The following DOCK9 variants were observed in gnomAD, a reference collection of about 807,000 sequenced individuals.
DOCK9 encodes dedicator of cytokinesis 9.
DOCK9 carries 89 observed loss-of-function variants against 263.3 expected under a neutral mutation model. That is an observed-to-expected ratio of 0.34 (90% CI 0.28 to 0.40). DOCK9 has a LOEUF of 0.40. Among genes scored for constraint, DOCK9 ranks in the 10% least tolerant of loss-of-function variants. The pLI, the probability that DOCK9 is intolerant of heterozygous loss-of-function variation, is 1.00. For synonymous variants in DOCK9, 976 were observed against 973.1 expected, an observed-to-expected ratio of 1.00 and a Z score of -0.06; for missense variants, 2,140 against 2,603.4, an observed-to-expected ratio of 0.82 and a Z score of 3.87.
At chr13:98,816,028 C>T (rs573484780) in intron 45 of DOCK9, among the ~76,000 whole-genome samples, 2 of 152,250 alleles carry the variant, frequency 1.3e-5, no homozygotes, top group South Asian at 4.1e-4. Context: ...TCCTCACCAC[C>T]ACATCATTGA....
At chr13:98,897,992 C>A (rs1156309155) in intron 14 of DOCK9, among the ~76,000 whole-genome samples, 187 bp downstream of exon 14, 1 of 152,210 alleles carries the variant, frequency 6.6e-6, no homozygotes, top group Non-Finnish European at 1.5e-5. Flanking sequence ...CCAGGTAGCA[C>A]TTCTCCAGAC....
intron 1 of DOCK9, among the ~76,000 whole-genome samples, chr13:99,048,191 CTGTTTTGTTT>C (rs368509325): frequency 5.3e-5 from 8 of 152,062 alleles, no homozygotes; most frequent in African/African-American, 1.5e-4. Flanking sequence ...ACAGTTTTAT[CTGTTTTGTTT>C]TGTTTTGTTT....
intron 1 of DOCK9, among the ~76,000 whole-genome samples, chr13:98,963,141 C>T (rs1453220984): frequency 1.3e-5 from 2 of 152,112 alleles, no homozygotes; most frequent in Non-Finnish European, 2.9e-5. Context: ...GGCAGCATGG[C>T]GCGCCTCTAG....
At chr13:98,954,523 G>A (rs1314682274) in intron 2 of DOCK9, among the ~76,000 whole-genome samples, 2 of 152,216 alleles carry the variant, frequency 1.3e-5, no homozygotes, top group African/African-American at 4.8e-5. Flanking sequence ...GCCATAGCCT[G>A]AAAGAGCGGC....
At chr13:99,016,371 T>G (rs1387856085) in intron 1 of DOCK9, among the ~76,000 whole-genome samples, 1 of 152,160 alleles carries the variant, frequency 6.6e-6, no homozygotes, top group Non-Finnish European at 1.5e-5. Flanking sequence ...CCACCTCTAC[T>G]CTTTGCTAGA....
chr13:99,013,112 T>C (rs952131946), intron 1 of DOCK9, among the ~76,000 whole-genome samples: 3 of 152,114 alleles, frequency 2.0e-5, no homozygotes, highest in African/African-American at 7.2e-5. Flanking sequence ...TCTGATTCTT[T>C]TTTTTTTAAG....
intron 33 of DOCK9, chr13:98,859,461 C>A (rs2093793067): frequency 6.6e-6 from 1 of 152,040 alleles, no homozygotes; most frequent in Admixed American, 6.6e-5. Flanking sequence ...TTAAATTCTA[C>A]CCAGTTTCAT....
chr13:98,819,681 G>A (rs990737961), intron 45 of DOCK9, among the ~76,000 whole-genome samples: 14 of 152,232 alleles, frequency 9.2e-5, no homozygotes, highest in African/African-American at 2.7e-4. Context: ...CACTGAGGAT[G>A]TGCCATGTGA....
chr13:98,909,210 G>C (rs1200133902), intron 9 of DOCK9, among the ~76,000 whole-genome samples: 1 of 152,180 alleles, frequency 6.6e-6, no homozygotes, highest in Non-Finnish European at 1.5e-5. Context: ...GGAAAAGAAT[G>C]ATTCATCTAA....
At chr13:98,876,420 G>A (rs1399250099) in intron 27 of DOCK9, among the ~76,000 whole-genome samples, 1 of 152,212 alleles carries the variant, frequency 6.6e-6, no homozygotes, top group Non-Finnish European at 1.5e-5. Flanking sequence ...GAACCCAGGA[G>A]GTGGAGGTCG....
At position 99,014,232 on chromosome 13, in the gene DOCK9, G is replaced by A. The variant is rs1056063426; in HGVS notation, c.130-58681C>T. The stretch of plus-strand genomic sequence containing the variant: ...GCCATTACTGGCCCAAGCAGGTCCC[G>A]GGCTGTCTGGTTATGGATACACTAA... On this transcript the variant is annotated intron_variant, in intron 1 of 32. Transcript: ENST00000427887. 7.9e-5 allele frequency among the ~76,000 whole-genome samples: 12 copies of A among 152,242 alleles called. 1 individual carries two copies. The highest frequency in any genetic ancestry group is 5.9e-4 in the Admixed American group (9 of 15,288).
intron 1 of DOCK9, among the ~76,000 whole-genome samples, chr13:99,021,912 T>C (rs1340456634): frequency 1.3e-5 from 2 of 152,104 alleles, no homozygotes; most frequent in African/African-American, 4.8e-5. Flanking sequence ...CAAACCACCA[T>C]GGCACACATA....
chr13:98,889,659 C>T (rs2046319940), intron 15 of DOCK9, among the ~76,000 whole-genome samples: 1 of 152,180 alleles, frequency 6.6e-6, no homozygotes, highest in African/African-American at 2.4e-5. Flanking sequence ...TGAAATTCAC[C>T]TCCCTGAAAC....
chr13:98,835,508 CATAT>C lies in DOCK9; in HGVS notation c.4314+1982_4314+1985del, dbSNP rs60025469. On this transcript the variant is annotated intron_variant, in intron 39 of 52. Coordinates refer to ENST00000682017, the MANE Select transcript of DOCK9 (RefSeq NM_001366683.2). ...ACAGGAAACATTTTTTGCATGCAGG[CATAT>C]AAACCTGCACAGAGATCACCTTAGC... Among the ~76,000 whole-genome samples the C allele has an allele frequency of 8.3e-3, 1,260 of 152,174 alleles. 18 individuals carry two copies. The highest frequency in any genetic ancestry group is 0.029 in the African/African-American group (1,218 of 41,516).
intron 39 of DOCK9, among the ~76,000 whole-genome samples, chr13:98,835,367 G>C (rs940708343): frequency 6.6e-6 from 1 of 152,192 alleles, no homozygotes; most frequent in East Asian, 1.9e-4. Context: ...TGGACCTCTC[G>C]TATCTGTGAG....
At chr13:99,053,815 G>C (rs763806570) in intron 1 of DOCK9, among the ~76,000 whole-genome samples, 5 of 152,088 alleles carry the variant, frequency 3.3e-5, no homozygotes, top group Non-Finnish European at 5.9e-5. Context: ...GTTATTACAA[G>C]AGGAGCGAAG....
At chr13:98,915,651 C>G (rs917961671) in intron 7 of DOCK9, 148 bp from the exon 8 acceptor site, 11 of 670,726 alleles carry the variant, frequency 1.6e-5, no homozygotes, top group African/African-American at 7.5e-5. Context: ...TGAAAGCCCC[C>G]CCCCATGAAA....
intron 1 of DOCK9, among the ~76,000 whole-genome samples, chr13:99,052,918 A>G (rs1163049747): frequency 6.6e-6 from 1 of 152,128 alleles, no homozygotes; most frequent in Non-Finnish European, 1.5e-5. Context: ...TTGCAAATAT[A>G]TCCTCCCATT....
At chr13:99,004,481 A>G (rs1295288584) in intron 1 of DOCK9, among the ~76,000 whole-genome samples, 1 of 152,224 alleles carries the variant, frequency 6.6e-6, no homozygotes, top group Non-Finnish European at 1.5e-5. Context: ...TATTTAGCAT[A>G]CAGGACTGCA....
Sources: allele counts gnomAD v4.1 joint callset (sites outside exome capture counted in the v4.1 genomes callset), GRCh38; gene constraint gnomAD v4.1.1; transcripts MANE v1.5; gene names NCBI Gene and HGNC (gene_info 2026-07-23, HGNC 2026-07-21).